The following ASTN1 variants were observed in gnomAD, a reference collection of about 807,000 sequenced individuals.
The protein encoded by ASTN1 is astrotactin-1.
Under a neutral mutation model 140.7 loss-of-function variants are expected in ASTN1, and 41 were observed. The ratio of observed to expected loss-of-function variants is 0.29; its 90% confidence interval spans 0.23 to 0.38. The LOEUF (loss-of-function observed/expected upper bound fraction) is 0.38. Ranked by LOEUF, ASTN1 falls within the 10% of genes least tolerant of loss-of-function variation. The probability of loss-of-function intolerance (pLI) is 1.00; values close to 1 mark genes in which losing one functional copy is unlikely to be tolerated. For synonymous variants in ASTN1, 640 were observed against 652.2 expected (o/e 0.98, Z 0.29); for missense variants, 1,479 against 1,678.8 (o/e 0.88, Z 2.08).
chr1:177,067,401 C>T (rs1018103319), intron 1 of ASTN1, among the ~76,000 whole-genome samples: 1 of 152,154 alleles, frequency 6.6e-6, no homozygotes, highest in Non-Finnish European at 1.5e-5. Flanking sequence ...CTAAGAATAA[C>T]AAATGGGTCT....
At chr1:177,076,075 C>T (rs991729464) in intron 1 of ASTN1, among the ~76,000 whole-genome samples, 2 of 151,658 alleles carry the variant, frequency 1.3e-5, no homozygotes, top group Middle Eastern at 3.2e-3. Context: ...GTCGAAAGAT[C>T]GAGACCATCC....
chr1:176,966,212 G>A (rs1356438836), intron 8 of ASTN1, among the ~76,000 whole-genome samples: 1 of 152,100 alleles, frequency 6.6e-6, no homozygotes, highest in Non-Finnish European at 1.5e-5. Flanking sequence ...AAAAAGTCAG[G>A]AGAATAAATT....
chr1:177,157,401 G>C lies in ASTN1; in HGVS notation c.283+6993C>G, dbSNP rs982609506. Among the ~76,000 whole-genome samples the C allele has an allele frequency of 2.8e-4, 42 of 152,022 alleles. 2 individuals are homozygous for C. Among genetic ancestry groups the C allele is most frequent in the Admixed American group, 2.4e-3 (36 of 15,230 alleles). ...TAGGATCTCCGCTCACTGCAACTCC[G>C]CCTCCTGGGCTCAAGCCATCTTCCC... On this transcript the variant is annotated intron_variant, in intron 1 of 22. Coordinates refer to ENST00000361833, the MANE Select transcript of ASTN1 (RefSeq NM_004319.3).
intron 2 of ASTN1, among the ~76,000 whole-genome samples, chr1:177,057,218 A>G (rs1677849404): frequency 6.8e-6 from 1 of 146,788 alleles, no homozygotes; most frequent in Non-Finnish European, 1.5e-5. Flanking sequence ...AAGAAAAGCA[A>G]AAGGTTTTTC....
At position 177,029,733 on chromosome 1, in the gene ASTN1, C is replaced by A. The variant is rs61758727; in HGVS notation, c.1021G>T (p.Ala341Ser). 26 of 1,610,888 alleles carry A rather than the reference C, an allele frequency of 1.6e-5. No individual in the cohort carries two copies. The highest frequency in any genetic ancestry group is 2.2e-5 in the Non-Finnish European group (26 of 1,178,272). ...RINNKARAGS[A>S]FLNPEGDSGT... Reference sequence around the variant, plus strand: ...GAATCCCCTTCAGGGTTCAAGAAGGCGGAACCAGCTGTAATGAAAGCAGCA... The same window carrying A: ...GAATCCCCTTCAGGGTTCAAGAAGGAGGAACCAGCTGTAATGAAAGCAGCA... Residue 341 changes from alanine (A) to serine (S), a missense_variant, in exon 5 of 23, where the codon GCC (alanine) becomes TCC (serine). Physicochemically the swap from Ala to Ser is moderately conservative, Grantham distance 99. Coordinates refer to ENST00000361833, the MANE Select transcript of ASTN1 (RefSeq NM_004319.3).
intron 1 of ASTN1, among the ~76,000 whole-genome samples, chr1:177,072,780 G>T (rs1678706286): frequency 6.6e-6 from 1 of 152,180 alleles, no homozygotes; most frequent in Admixed American, 6.5e-5. Context: ...TGAAGTCTAT[G>T]CACCATGTGG....
chr1:177,023,422 G>T lies in ASTN1; in HGVS notation c.1420C>A (p.Gln474Lys), dbSNP rs368908680. The change falls in exon 7 of 23, where the codon CAA (glutamine) becomes AAA (lysine). Residue 474 changes from glutamine (Q) to lysine (K), a missense_variant. Physicochemically the swap from Gln to Lys is moderately conservative, Grantham distance 53. Transcript: ENST00000361833. The part of the protein sequence containing the change: ...ARRLLDPCEH[Q>K]CDPETGECLC... ...CGCCTACCAGTTTCGGGGTCACATT[G>T]GTGTTCACAGGGGTCCAGGAGCCGC... 2.5e-6 allele frequency: 4 copies of T among 1,599,106 alleles called. No homozygotes were observed. The highest frequency in any genetic ancestry group is 3.4e-6 in the Non-Finnish European group (4 of 1,172,932).
intron 16 of ASTN1, among the ~76,000 whole-genome samples, chr1:176,910,186 A>G (rs1192580239): frequency 6.6e-6 from 1 of 152,232 alleles, no homozygotes; most frequent in Admixed American, 6.5e-5. Flanking sequence ...TTATTTTCAG[A>G]AGCAGTAAGA....
intron 1 of ASTN1, among the ~76,000 whole-genome samples, chr1:177,156,243 G>C (rs367892103): frequency 1.5e-3 from 220 of 150,610 alleles, no homozygotes; most frequent in African/African-American, 5.1e-3. Flanking sequence ...GCACTCCAGC[G>C]TGGGCAACAA....
chr1:177,019,889 T>C (rs150666219), intron 7 of ASTN1, among the ~76,000 whole-genome samples: 2 of 152,188 alleles, frequency 1.3e-5, no homozygotes, highest in African/African-American at 4.8e-5. Flanking sequence ...TTTATTCTAT[T>C]TATTTATTTA....
At chr1:176,906,899 AG>A (rs1252573827) in intron 16 of ASTN1, among the ~76,000 whole-genome samples, 1 of 152,096 alleles carries the variant, frequency 6.6e-6, no homozygotes, top group African/African-American at 2.4e-5. Context: ...GGTAGGCTAA[AG>A]GAAGATGTGT....
chr1:176,986,046 C>T (rs4341326), intron 8 of ASTN1, among the ~76,000 whole-genome samples: 24,288 of 152,014 alleles, frequency 0.16, 2,025 homozygotes, highest in East Asian at 0.19. Context: ...CTCCTGCGCC[C>T]GCCTCTGAAG....
intron 1 of ASTN1, among the ~76,000 whole-genome samples, chr1:177,149,926 A>C (rs892013503): frequency 2.0e-5 from 3 of 149,572 alleles, no homozygotes; most frequent in Non-Finnish European, 4.4e-5. Flanking sequence ...TTCCTAGAAG[A>C]GATCAAACTC....
chr1:176,892,422 T>C (rs1215961280), intron 17 of ASTN1, among the ~76,000 whole-genome samples: 4 of 152,062 alleles, frequency 2.6e-5, no homozygotes, highest in Non-Finnish European at 1.5e-5. Flanking sequence ...GGTGATAAAA[T>C]GGATGTTGGG....
At chr1:176,976,053 T>A (rs1571593333) in intron 8 of ASTN1, 1 of 152,232 alleles carries the variant, frequency 6.6e-6, no homozygotes, top group Admixed American at 6.5e-5. Context: ...GCAAATTGAG[T>A]TCCTTCCTGT....
chr1:177,154,865 G>T (rs1399808732), intron 1 of ASTN1, among the ~76,000 whole-genome samples: 1 of 151,978 alleles, frequency 6.6e-6, no homozygotes, highest in African/African-American at 2.4e-5. Flanking sequence ...TCAAATCTCT[G>T]CATGAGATTA....
chr1:177,054,045 G>GACACAT (rs1272325348), intron 2 of ASTN1, among the ~76,000 whole-genome samples: 1 of 152,202 alleles, frequency 6.6e-6, no homozygotes, highest in Non-Finnish European at 1.5e-5. Flanking sequence ...TTGGTGAAAT[G>GACACAT]ACACATACTA....
At chr1:177,091,940 A>G (rs1035325786) in intron 1 of ASTN1, among the ~76,000 whole-genome samples, 1 of 152,066 alleles carries the variant, frequency 6.6e-6, no homozygotes, top group Admixed American at 6.5e-5. Context: ...TTTTAATATT[A>G]TGAATAATGC....
At chr1:177,033,904 C>T (rs71628223) in intron 2 of ASTN1, among the ~76,000 whole-genome samples, 2,363 of 152,238 alleles carry the variant, frequency 0.016, 30 homozygotes, top group Middle Eastern at 0.034. Flanking sequence ...CTGCATGGCA[C>T]TCGGTGGGCA....
Sources: allele counts gnomAD v4.1 joint callset (sites outside exome capture counted in the v4.1 genomes callset), GRCh38; gene constraint gnomAD v4.1.1; transcripts MANE v1.5; gene names NCBI Gene and HGNC (gene_info 2026-07-23, HGNC 2026-07-21).